Variants in MAP3K20 observed in about 807,000 individuals in gnomAD.
The protein encoded by MAP3K20 is HCCS-4.
A neutral mutation model predicts 85.7 loss-of-function variants in MAP3K20; 40 were observed. That is an observed-to-expected ratio of 0.47 (90% CI 0.36 to 0.61). The LOEUF is 0.61. Ranked by LOEUF, MAP3K20 falls within the 20% of genes least tolerant of loss-of-function variation. MAP3K20 has a pLI of 0.00. For missense variants in MAP3K20, 817 were observed against 961.7 expected (o/e 0.85, Z 1.99); for synonymous variants, 325 against 327.7 (o/e 0.99, Z 0.09).
At chr2:173,185,210 C>T (rs11888193) in intron 4 of MAP3K20, among the ~76,000 whole-genome samples, 19,223 of 152,062 alleles carry the variant, frequency 0.13, 1,559 homozygotes, top group African/African-American at 0.22. Context: ...CATTGCACTC[C>T]AGCCTGGGCG....
rs190810145 is a variant in MAP3K20 at position 173,108,123 on chromosome 2, T to G, written c.159+16933T>G. On this transcript the variant is annotated intron_variant, in intron 2 of 19. Transcript: ENST00000375213. ...ACTTACTATATTTTGTGTTATAAAC[T>G]GGGATTTTTATTTTTTTTTTTATTT... Among the ~76,000 whole-genome samples the G allele has an allele frequency of 1.0e-4, 15 of 146,282 alleles. No individual in the cohort carries two copies. In the East Asian group the frequency reaches 3.0e-3, roughly 29 times the overall value.
At chr2:173,089,928 A>C (rs1687245442) in intron 1 of MAP3K20, among the ~76,000 whole-genome samples, 1 of 151,830 alleles carries the variant, frequency 6.6e-6, no homozygotes, top group Non-Finnish European at 1.5e-5. Context: ...AAAAACAAAC[A>C]AAAAAAAACT....
intron 16 of MAP3K20, among the ~76,000 whole-genome samples, chr2:173,246,175 A>T (rs1684909148): frequency 6.6e-6 from 1 of 152,194 alleles, no homozygotes; most frequent in Non-Finnish European, 1.5e-5. Flanking sequence ...CACAGAGGTG[A>T]AACTCCTCAC....
chr2:173,145,750 A>G (rs1239167422), intron 2 of MAP3K20, among the ~76,000 whole-genome samples: 1 of 152,172 alleles, frequency 6.6e-6, no homozygotes, highest in Non-Finnish European at 1.5e-5. Flanking sequence ...CATCAATTCA[A>G]CTTATAGGTG....
intron 2 of MAP3K20, among the ~76,000 whole-genome samples, chr2:173,152,777 G>A (rs1303419565): frequency 6.6e-6 from 1 of 152,154 alleles, no homozygotes; most frequent in Non-Finnish European, 1.5e-5. Flanking sequence ...GTCAACTCTA[G>A]TAATTTGACA....
intron 2 of MAP3K20, among the ~76,000 whole-genome samples, chr2:173,142,231 G>C (rs1688995116): frequency 1.3e-5 from 2 of 152,150 alleles, no homozygotes; most frequent in South Asian, 4.1e-4. Flanking sequence ...CCAGCACTTT[G>C]GGAGGCCGAG....
chr2:173,146,866 T>G (rs1689153673), intron 2 of MAP3K20, among the ~76,000 whole-genome samples: 1 of 152,170 alleles, frequency 6.6e-6, no homozygotes, highest in Admixed American at 6.5e-5. Context: ...TGCCAACACT[T>G]GTTATTCTCT....
intron 3 of MAP3K20, among the ~76,000 whole-genome samples, chr2:173,173,552 A>G (rs1436491284): frequency 6.6e-6 from 1 of 152,200 alleles, no homozygotes; most frequent in Non-Finnish European, 1.5e-5. Context: ...AAAACATACT[A>G]ATTTTTAAGT....
chr2:173,119,630 CAAT>C (rs993851230), intron 2 of MAP3K20, among the ~76,000 whole-genome samples: 4 of 152,286 alleles, frequency 2.6e-5, no homozygotes, highest in African/African-American at 9.6e-5. Flanking sequence ...TGCTGAGAGG[CAAT>C]AAATTGTTAA....
In MAP3K20 at chr2:173,217,384, G is replaced by A. The variant is rs534156258; in HGVS notation, c.987+134G>A. On this transcript the variant is annotated intron_variant, in intron 11 of 19. Coordinates refer to ENST00000375213, the MANE Select transcript of MAP3K20 (RefSeq NM_016653.3). ...TCCTGCCTCGCGCCCGTGTATTAAA[G>A]GGCCCGCGTGTGGACTCAAGCAGCG... The A allele has an allele frequency of 2.4e-4, 262 of 1,087,172 alleles. 1 individual carries two copies. The African/African-American group carries it at 4.1e-3, about 17-fold the overall frequency. The allele number at this position is 1,087,172 out of a possible 1,614,324, so 67.3% of individuals were successfully genotyped here.
chr2:173,264,196 C>T (rs531664503), intron 19 of MAP3K20, among the ~76,000 whole-genome samples: 1 of 152,176 alleles, frequency 6.6e-6, no homozygotes, highest in Admixed American at 6.5e-5. Context: ...TTTTAAGGAG[C>T]CTTCCCAGTG....
At chr2:173,186,647 A>G (rs1458608066) in intron 4 of MAP3K20, among the ~76,000 whole-genome samples, 3 of 152,184 alleles carry the variant, frequency 2.0e-5, no homozygotes. Flanking sequence ...TTTAAAAAGA[A>G]GCCTATTTGA....
chr2:173,252,740 C>T (rs1422047204), intron 16 of MAP3K20, among the ~76,000 whole-genome samples: 2 of 152,136 alleles, frequency 1.3e-5, no homozygotes, highest in Admixed American at 6.5e-5. Flanking sequence ...GCACTTGTGC[C>T]CCACCACTTG....
At chr2:173,258,221 G>A (rs1685203633) in intron 16 of MAP3K20, among the ~76,000 whole-genome samples, 1 of 152,134 alleles carries the variant, frequency 6.6e-6, no homozygotes, top group Admixed American at 6.5e-5. Flanking sequence ...GAAAGTGAGA[G>A]TTTCTTGAAC....
chr2:173,256,420 C>T (rs935674062), intron 16 of MAP3K20, among the ~76,000 whole-genome samples: 4 of 151,618 alleles, frequency 2.6e-5, no homozygotes, highest in African/African-American at 4.8e-5. Flanking sequence ...TGAGGCCAAG[C>T]GTTCAAGACC....
At chr2:173,090,106 A>G (rs1687250399) in intron 1 of MAP3K20, among the ~76,000 whole-genome samples, 1 of 152,202 alleles carries the variant, frequency 6.6e-6, no homozygotes, top group African/African-American at 2.4e-5. Flanking sequence ...TTTTTTATCC[A>G]CTAATTTTAA....
At chr2:173,136,887 C>T (rs547545573) in intron 2 of MAP3K20, among the ~76,000 whole-genome samples, 1 of 152,280 alleles carries the variant, frequency 6.6e-6, no homozygotes, top group East Asian at 1.9e-4. Flanking sequence ...GAAGAGTGCC[C>T]ACATCCATCC....
intron 11 of MAP3K20, chr2:173,222,029 C>T: frequency 6.2e-6 from 6 of 972,626 alleles, no homozygotes; most frequent in Non-Finnish European, 7.3e-6. Context: ...CTAGTAAGAC[C>T]TCGTCTCTAC....
At chr2:173,137,371 T>C (rs1425110824) in intron 2 of MAP3K20, among the ~76,000 whole-genome samples, 5 of 152,182 alleles carry the variant, frequency 3.3e-5, no homozygotes, top group African/African-American at 9.7e-5. Context: ...TACGGTGTAG[T>C]GTAGATGTGT....
Sources: allele counts gnomAD v4.1 joint callset (sites outside exome capture counted in the v4.1 genomes callset), GRCh38; gene constraint gnomAD v4.1.1; transcripts MANE v1.5; gene names NCBI Gene and HGNC (gene_info 2026-07-23, HGNC 2026-07-21).